The following TSPAN18 variants were observed in gnomAD, a reference collection of about 807,000 sequenced individuals.
TSPAN18 encodes tetraspanin 18, also known as tetraspanin-18.
TSPAN18 carries 14 observed loss-of-function variants against 27.3 expected under a neutral mutation model. That is an observed-to-expected ratio of 0.51 (90% CI 0.34 to 0.80). The LOEUF (loss-of-function observed/expected upper bound fraction) is 0.80. Among genes scored for constraint, TSPAN18 ranks in the 30% least tolerant of loss-of-function variants. The probability of loss-of-function intolerance (pLI) is 0.01; values close to 1 mark genes in which losing one functional copy is unlikely to be tolerated. For synonymous variants in TSPAN18, 143 were observed against 136.5 expected (o/e 1.05, Z -0.33); for missense variants, 268 against 323.9 (o/e 0.83, Z 1.32).
At chr11:44,919,117 T>G in intron 6 of TSPAN18, 97 bp from the exon 7 acceptor site, 1 of 992,584 alleles carries the variant, frequency 1.0e-6, no homozygotes, top group East Asian at 2.4e-5. Context: ...CTAGCTCTCA[T>G]TCCCCCAACT....
intron 2 of TSPAN18, among the ~76,000 whole-genome samples, chr11:44,809,724 C>T (rs538691070): frequency 3.9e-4 from 60 of 152,122 alleles, no homozygotes; most frequent in Non-Finnish European, 5.9e-4. Context: ...GAGCAGCATG[C>T]GCTTCTGATC....
chr11:44,907,087 G>A (rs1859480637), intron 4 of TSPAN18, among the ~76,000 whole-genome samples: 1 of 152,188 alleles, frequency 6.6e-6, no homozygotes, highest in South Asian at 2.1e-4. Flanking sequence ...GATGTGGGCA[G>A]TCCTCAATAG....
At chr11:44,851,894 A>G (rs757121889) in intron 2 of TSPAN18, among the ~76,000 whole-genome samples, 1 of 152,174 alleles carries the variant, frequency 6.6e-6, no homozygotes, top group Non-Finnish European at 1.5e-5. Context: ...GACCCTGGGA[A>G]TACAACAGTG....
chr11:44,823,284 A>G (rs1856965879), intron 2 of TSPAN18, among the ~76,000 whole-genome samples: 1 of 152,184 alleles, frequency 6.6e-6, no homozygotes, highest in Middle Eastern at 3.2e-3. Flanking sequence ...TGTGTCCAAG[A>G]AGAATGAGGA....
intron 3 of TSPAN18, among the ~76,000 whole-genome samples, chr11:44,860,739 G>A (rs2135211835): frequency 6.6e-6 from 1 of 152,330 alleles, no homozygotes; most frequent in East Asian, 1.9e-4. Context: ...CTGAGGTGCA[G>A]GCTAGCCCAC....
chr11:44,757,804 C>A (rs1330653841), intron 1 of TSPAN18, among the ~76,000 whole-genome samples: 1 of 152,020 alleles, frequency 6.6e-6, no homozygotes, highest in Non-Finnish European at 1.5e-5. Context: ...CTTTTCTGCC[C>A]ATTTTTTAAT....
intron 1 of TSPAN18, among the ~76,000 whole-genome samples, chr11:44,749,459 G>A (rs979649623): frequency 9.2e-5 from 14 of 152,152 alleles, no homozygotes; most frequent in Admixed American, 7.9e-4. Flanking sequence ...GAGTTAGAAG[G>A]ATTCATTCCC....
intron 5 of TSPAN18, among the ~76,000 whole-genome samples, chr11:44,916,334 A>G (rs1480817098): frequency 6.6e-6 from 1 of 152,120 alleles, no homozygotes; most frequent in East Asian, 1.9e-4. Flanking sequence ...TGATCACAAG[A>G]GGCACATTCC....
At chr11:44,730,395 G>A (rs1426420089) in intron 1 of TSPAN18, among the ~76,000 whole-genome samples, 1 of 152,132 alleles carries the variant, frequency 6.6e-6, no homozygotes, top group East Asian at 1.9e-4. Context: ...CCATTGAGAG[G>A]GAAAATCAGG....
chr11:44,903,843 G>A (rs1859356901), intron 3 of TSPAN18: 1 of 456,528 alleles, frequency 2.2e-6, no homozygotes, highest in African/African-American at 2.0e-5. Flanking sequence ...CTCACTAGCT[G>A]TGACCTCAGA....
chr11:44,916,748 G>A (rs1344421631), intron 5 of TSPAN18, among the ~76,000 whole-genome samples: 1 of 152,158 alleles, frequency 6.6e-6, no homozygotes, highest in East Asian at 1.9e-4. Flanking sequence ...AGGCAGGCAG[G>A]CGGTCCTAAC....
At chr11:44,836,286 A>C (rs780892468) in intron 2 of TSPAN18, among the ~76,000 whole-genome samples, 3 of 152,166 alleles carry the variant, frequency 2.0e-5, no homozygotes, top group Non-Finnish European at 4.4e-5. Context: ...TGATATGGAG[A>C]AAGTTTTAGT....
intron 3 of TSPAN18, among the ~76,000 whole-genome samples, chr11:44,893,209 C>A (rs1554999660): frequency 2.0e-5 from 3 of 152,224 alleles, no homozygotes. Context: ...AACTCACAGA[C>A]TAGAGAGGGG....
At chr11:44,790,647 A>G (rs1856197165) in intron 2 of TSPAN18, among the ~76,000 whole-genome samples, 1 of 152,060 alleles carries the variant, frequency 6.6e-6, no homozygotes, top group East Asian at 1.9e-4. Context: ...TGCTTGAACT[A>G]TAGGAGAACA....
intron 1 of TSPAN18, among the ~76,000 whole-genome samples, chr11:44,747,666 A>G (rs1855110852): frequency 6.6e-6 from 1 of 152,062 alleles, no homozygotes; most frequent in South Asian, 2.1e-4. Flanking sequence ...GGGAATTTGA[A>G]AATGGCCCAA....
chr11:44,791,366 A>T (rs1856216345), intron 2 of TSPAN18, among the ~76,000 whole-genome samples: 1 of 152,214 alleles, frequency 6.6e-6, no homozygotes, highest in African/African-American at 2.4e-5. Context: ...AACTTTATGC[A>T]CAAGTTTGAA....
intron 2 of TSPAN18, among the ~76,000 whole-genome samples, chr11:44,800,006 G>GTTTTTTTTTT (rs60067559): frequency 8.2e-3 from 899 of 109,298 alleles, no homozygotes; most frequent in Non-Finnish European, 0.013. Flanking sequence ...AATTTTTTGT[G>GTTTTTTTTTT]TTTTTTTTTT....
intron 2 of TSPAN18, among the ~76,000 whole-genome samples, chr11:44,817,086 T>C (rs1397242747): frequency 1.3e-5 from 2 of 152,040 alleles, no homozygotes; most frequent in African/African-American, 4.8e-5. Context: ...AGGAGCAGGG[T>C]TGGGGGCCTG....
chr11:44,798,107 T>C (rs1049704478), intron 2 of TSPAN18, among the ~76,000 whole-genome samples: 1 of 152,204 alleles, frequency 6.6e-6, no homozygotes, highest in Admixed American at 6.5e-5. Flanking sequence ...GCCTCCCTCC[T>C]GTGTGCTCAG....
Sources: allele counts gnomAD v4.1 joint callset (sites outside exome capture counted in the v4.1 genomes callset), GRCh38; gene constraint gnomAD v4.1.1; transcripts MANE v1.5; gene names NCBI Gene and HGNC (gene_info 2026-07-23, HGNC 2026-07-21).